FN3K: variants seen among roughly 807,000 people sequenced by gnomAD.
FN3K encodes fructosamine-3-kinase.
FN3K carries 24 observed loss-of-function variants against 24.8 expected under a neutral mutation model. That is an observed-to-expected ratio of 0.97 (90% CI 0.70 to 1.36). The LOEUF is 1.36. Among genes scored for constraint, FN3K ranks in the 40% most tolerant of loss-of-function variants. The probability of loss-of-function intolerance (pLI) is 0.00; values close to 1 mark genes in which losing one functional copy is unlikely to be tolerated. For missense variants in FN3K, 449 were observed against 416.7 expected (o/e 1.08, Z -0.67); for synonymous variants, 192 against 175.2 (o/e 1.10, Z -0.76).
At chr17:82,746,893 T>C (rs2046971739) in intron 4 of FN3K, among the ~76,000 whole-genome samples, 1 of 151,872 alleles carries the variant, frequency 6.6e-6, no homozygotes, top group African/African-American at 2.4e-5. Context: ...GGTAAGATCT[T>C]GGCTCACTGC....
chr17:82,747,701 C>G (rs2046976371), intron 4 of FN3K, among the ~76,000 whole-genome samples: 1 of 152,112 alleles, frequency 6.6e-6, no homozygotes, highest in Non-Finnish European at 1.5e-5. Context: ...GCCTGGCCTT[C>G]CTATTGATTT....
intron 2 of FN3K, 23 bp downstream of exon 2, chr17:82,738,663 T>G (rs1384799485): frequency 6.2e-7 from 1 of 1,612,570 alleles, no homozygotes; most frequent in African/African-American, 1.3e-5. Flanking sequence ...GAGACCCATA[T>G]GCGCACATGT....
intron 1 of FN3K, chr17:82,736,091 G>A: frequency 3.2e-6 from 1 of 316,594 alleles, no homozygotes; most frequent in South Asian, 4.2e-5. Context: ...GCCCCTCTCA[G>A]CCCACCGTCC....
At position 82,748,308 on chromosome 17, in the gene FN3K, C is replaced by T. The variant is rs546314542; in HGVS notation, c.469-547C>T. On this transcript the variant is annotated intron_variant, in intron 4 of 5. Coordinates refer to ENST00000300784, the MANE Select transcript of FN3K (RefSeq NM_022158.4). ...GACTACAGGCCCACGCCACCATGCC[C>T]GGCTAATTTTGTATTTTTAGTAGAG... is the stretch of plus-strand genomic sequence containing the variant. Among the ~76,000 whole-genome samples, 169 of 152,154 alleles carry T rather than the reference C, an allele frequency of 1.1e-3. 2 individuals carry two copies. The highest frequency in any genetic ancestry group is 3.8e-3 in the African/African-American group (157 of 41,518).
chr17:82,737,883 T>A (rs2046912760), intron 1 of FN3K: 1 of 154,626 alleles, frequency 6.5e-6, no homozygotes, highest in African/African-American at 2.4e-5. Context: ...CAATGTGTAC[T>A]GTACGTGAGG....
Position 82,750,453 on chromosome 17 carries a change from G to T in FN3K, c.628G>T (p.Val210Phe). 6.2e-7 allele frequency: 1 copy of T among 1,614,172 alleles called. No individual in the cohort carries two copies. The highest frequency in any genetic ancestry group is 8.5e-7 in the Non-Finnish European group (1 of 1,180,026). ...IPDLFCGLEI[V>F]PALLHGDLWS... ...GGATCTGTTTTGTGGCCTAGAGATT[G>T]TCCCCGCGTTGCTCCACGGGGATCT... The change falls in exon 6 of 6, where the codon GTC becomes TTC. Residue 210 changes from valine to phenylalanine, a missense_variant. Coordinates refer to ENST00000300784, the MANE Select transcript of FN3K (RefSeq NM_022158.4).
At chr17:82,749,844 G>C (rs1320124620) in intron 5 of FN3K, 1 of 166,194 alleles carries the variant, frequency 6.0e-6, no homozygotes, top group African/African-American at 2.4e-5. Context: ...TTTTACCTGA[G>C]GTCAGGATTT....
At chr17:82,748,361 G>A (rs1027014640) in intron 4 of FN3K, among the ~76,000 whole-genome samples, 109 of 152,122 alleles carry the variant, frequency 7.2e-4, no homozygotes, top group African/African-American at 2.6e-3. Context: ...TGCCTAGACT[G>A]GTCTTTAACT....
chr17:82,749,945 C>T lies in FN3K; in HGVS notation c.592-472C>T, dbSNP rs564410262. The T allele has an allele frequency of 1.4e-4, 26 of 181,098 alleles. 1 individual carries two copies. In the South Asian group the frequency reaches 2.6e-3, roughly 18 times the overall value. 11.2% of individuals were successfully genotyped at this position (181,098 alleles called of 1,614,324 possible). ...TAGTGGCGGGTGCCTGTAATCCCAG[C>T]TACTCAGTAGGCTGAGGCAGGAGAA... is the stretch of plus-strand genomic sequence containing the variant. On this transcript the variant is annotated intron_variant, in intron 5 of 5. Coordinates refer to ENST00000300784, the MANE Select transcript of FN3K (RefSeq NM_022158.4).
chr17:82,741,522 C>A (rs2143644073), intron 4 of FN3K, 129 bp downstream of exon 4: 2 of 852,034 alleles, frequency 2.3e-6, no homozygotes, highest in Middle Eastern at 2.5e-4. Flanking sequence ...AGAGTAGAAG[C>A]TGTGATACCT....
chr17:82,738,909 A>AATAT (rs139408910), intron 2 of FN3K, among the ~76,000 whole-genome samples: 4 of 103,684 alleles, frequency 3.9e-5, no homozygotes, highest in African/African-American at 1.8e-4. Flanking sequence ...GGCTGCATAA[A>AATAT]ATATATATAT....
At chr17:82,735,845 G>T in intron 1 of FN3K, 68 bp downstream of exon 1, 1 of 1,518,616 alleles carries the variant, frequency 6.6e-7, no homozygotes, top group Non-Finnish European at 8.8e-7. Flanking sequence ...GAGGGGTCGG[G>T]GGCAGGCGCA....
rs1365756766 is a variant in FN3K, at chr17:82,738,944, ATATTTT to A, written c.293+306_293+311del. On this transcript the variant is annotated intron_variant, in intron 2 of 5. Transcript: ENST00000300784. ...TATACACATATATATATATATATATATATTTTTTTTTTTTTTGAAACACAGTCTCGC... is the reference window on the plus strand; with the variant it reads ...TATACACATATATATATATATATATATTTTTTTTTTGAAACACAGTCTCGC... Among the ~76,000 whole-genome samples the A allele has an allele frequency of 8.0e-3, 666 of 83,030 alleles. 21 individuals are homozygous for A. Among genetic ancestry groups the A allele is most frequent in the African/African-American group, 0.032 (574 of 18,056 alleles). 54.5% of individuals were successfully genotyped at this position (83,030 alleles called of 152,430 possible).
rs978413270 is a variant in FN3K, at chr17:82,748,870, G to C, written c.484G>C (p.Asp162His). ...GFIPQVNEWQ[D>H]DWPTFFARHR... is the part of the protein sequence containing the mutation. ...TGTTGTCCAGGTGAATGAGTGGCAG[G>C]ATGACTGGCCGACCTTTTTCGCCCG... The change falls in exon 5 of 6, where the codon GAT becomes CAT. Residue 162 changes from aspartate to histidine, a missense_variant. Asp to His is a moderately conservative substitution (Grantham distance 81). Coordinates refer to ENST00000300784, the MANE Select transcript of FN3K (RefSeq NM_022158.4). The C allele has an allele frequency of 1.2e-6, 2 of 1,612,616 alleles. No individual in the cohort carries two copies. The highest frequency in any genetic ancestry group is 4.5e-5 in the East Asian group (2 of 44,876).
intron 4 of FN3K, 93 bp from the exon 5 acceptor site, chr17:82,748,762 G>C (rs2046982939): frequency 1.3e-6 from 2 of 1,586,482 alleles, no homozygotes; most frequent in Non-Finnish European, 1.7e-6. Flanking sequence ...TGGCTTACTA[G>C]GTATCTTTGC....
chr17:82,737,523 C>T lies in FN3K; in HGVS notation c.142-966C>T, dbSNP rs143767847. On this transcript the variant is annotated intron_variant, in intron 1 of 5. Transcript: ENST00000300784. The stretch of plus-strand genomic sequence containing the variant: ...ATTTTTAGTAGAGACGAGGTTTCAC[C>T]GTGTTAGCCAGGATGGTCTCAATCT... Among the ~76,000 whole-genome samples the T allele has an allele frequency of 6.1e-3, 929 of 152,236 alleles. 5 individuals carry two copies. Among genetic ancestry groups the T allele is most frequent in the Non-Finnish European group, 7.9e-3 (536 of 68,010 alleles).
chr17:82,735,828 G>C, intron 1 of FN3K, 51 bp downstream of exon 1: 1 of 1,529,386 alleles, frequency 6.5e-7, no homozygotes, highest in South Asian at 1.2e-5. Context: ...CGGGGCCTGG[G>C]AAGGCGGAGG....
intron 4 of FN3K, among the ~76,000 whole-genome samples, chr17:82,743,365 T>TCAGA (rs1176431175): frequency 6.6e-6 from 1 of 152,190 alleles, no homozygotes; most frequent in Non-Finnish European, 1.5e-5. Context: ...GGAACCCACC[T>TCAGA]CAGATCAGGT....
rs765215321 is a variant in FN3K, at chr17:82,735,803, C to T, written c.141+26C>T. 7.8e-6 allele frequency: 12 copies of T among 1,545,164 alleles called. No homozygotes were observed. In the South Asian group the frequency reaches 1.4e-4, roughly 18 times the overall value. On this transcript the variant is annotated intron_variant, in intron 1 of 5. Coordinates refer to ENST00000300784, the MANE Select transcript of FN3K (RefSeq NM_022158.4). ...GTGCTGGCCCGTGCGCAGGCGGGGGCTCTGCGGGTCTCTGCGGGGCCTGGG... is the reference window on the plus strand; with the variant it reads ...GTGCTGGCCCGTGCGCAGGCGGGGGTTCTGCGGGTCTCTGCGGGGCCTGGG...
Sources: allele counts gnomAD v4.1 joint callset (sites outside exome capture counted in the v4.1 genomes callset), GRCh38; gene constraint gnomAD v4.1.1; transcripts MANE v1.5; gene names NCBI Gene and HGNC (gene_info 2026-07-23, HGNC 2026-07-21).